The following TMEM150C variants were observed in gnomAD, a reference collection of about 807,000 sequenced individuals.
TMEM150C encodes transmembrane protein 150C, also known as tentonin 3.
TMEM150C carries 10 observed loss-of-function variants against 29.9 expected under a neutral mutation model. That is an observed-to-expected ratio of 0.33 (90% CI 0.21 to 0.57). TMEM150C has a LOEUF of 0.57. Among genes scored for constraint, TMEM150C ranks in the 20% least tolerant of loss-of-function variants. The pLI, the probability that TMEM150C is intolerant of heterozygous loss-of-function variation, is 0.88. For missense variants in TMEM150C, 251 were observed against 303.6 expected (o/e 0.83, Z 1.29); for synonymous variants, 101 against 112.5 (o/e 0.90, Z 0.64).
chr4:82,503,549 T>C (rs1462657781), intron 2 of TMEM150C, among the ~76,000 whole-genome samples: 1 of 152,184 alleles, frequency 6.6e-6, no homozygotes, highest in Non-Finnish European at 1.5e-5. Flanking sequence ...TGTAATGATA[T>C]TCATTTTATA....
intron 1 of TMEM150C, among the ~76,000 whole-genome samples, chr4:82,548,394 A>G (rs1725454650): frequency 1.3e-5 from 2 of 152,220 alleles, no homozygotes; most frequent in African/African-American, 4.8e-5. Flanking sequence ...ATTTTCAATA[A>G]CATCTCATTT....
chr4:82,518,782 C>G (rs1223997877), intron 1 of TMEM150C, among the ~76,000 whole-genome samples: 2 of 152,166 alleles, frequency 1.3e-5, no homozygotes, highest in African/African-American at 4.8e-5. Context: ...GGATTGGAAC[C>G]TGACTAATTC....
chr4:82,495,159 T>C (rs1723502498), intron 6 of TMEM150C: 5 of 441,588 alleles, frequency 1.1e-5, no homozygotes, highest in Non-Finnish European at 2.0e-5. Flanking sequence ...ACTGAAAAGT[T>C]TGACCAGGCG....
chr4:82,561,135 G>A (rs971068598), intron 1 of TMEM150C, among the ~76,000 whole-genome samples: 5 of 152,166 alleles, frequency 3.3e-5, no homozygotes, highest in Non-Finnish European at 7.3e-5. Flanking sequence ...ATTTAAAATG[G>A]GAAAACCCTC....
In TMEM150C at chr4:82,559,396, A is replaced by C. The variant is rs530719666; in HGVS notation, c.-11+2510T>G. ...CCCGTCTCTACTAAAAATACAAAAA[A>C]AAAAAAAAATTAGCCAGGCATGCTG... On this transcript the variant is annotated intron_variant, in intron 1 of 7. Transcript: ENST00000449862. 2.6e-5 allele frequency among the ~76,000 whole-genome samples: 4 copies of C among 152,004 alleles called. No homozygotes were observed. The South Asian group carries it at 8.3e-4, about 32-fold the overall frequency.
At chr4:82,561,754 G>A (rs1395429503) in intron 1 of TMEM150C, among the ~76,000 whole-genome samples, 152 bp downstream of exon 1, 1 of 147,146 alleles carries the variant, frequency 6.8e-6, no homozygotes, top group Non-Finnish European at 1.5e-5. Flanking sequence ...CCGCAGCCGA[G>A]CAGGGCCCCG....
chr4:82,495,064 TG>T, intron 6 of TMEM150C: 1 of 1,205,630 alleles, frequency 8.3e-7, no homozygotes, highest in Non-Finnish European at 1.1e-6. Context: ...TGCTGAATCT[TG>T]GGTGCTTTGG....
At chr4:82,550,387 C>G (rs1725531424) in intron 1 of TMEM150C, among the ~76,000 whole-genome samples, 1 of 152,072 alleles carries the variant, frequency 6.6e-6, no homozygotes, top group Non-Finnish European at 1.5e-5. Flanking sequence ...TTGGGCCGTT[C>G]TTTATAGCAC....
intron 1 of TMEM150C, among the ~76,000 whole-genome samples, chr4:82,540,022 T>C (rs370106358): frequency 6.6e-6 from 1 of 151,690 alleles, no homozygotes; most frequent in Middle Eastern, 3.4e-3. Context: ...CTAATGTTCA[T>C]CTGGAAGAAG....
At chr4:82,514,924 T>C (rs1724244191) in intron 1 of TMEM150C, among the ~76,000 whole-genome samples, 1 of 152,238 alleles carries the variant, frequency 6.6e-6, no homozygotes, top group Non-Finnish European at 1.5e-5. Flanking sequence ...AGCCACATTA[T>C]TGTTGCCTTA....
intron 1 of TMEM150C, among the ~76,000 whole-genome samples, chr4:82,507,958 A>G (rs1261437316): frequency 6.6e-6 from 1 of 151,602 alleles, no homozygotes; most frequent in Non-Finnish European, 1.5e-5. Context: ...ACGTTGCCCA[A>G]GCTAGTCTAG....
intron 1 of TMEM150C, among the ~76,000 whole-genome samples, chr4:82,512,830 C>T (rs565840542): frequency 1.3e-5 from 2 of 152,204 alleles, no homozygotes; most frequent in East Asian, 3.9e-4. Context: ...GTTTAAAAAG[C>T]CACTTCAAAA....
At chr4:82,501,691 G>GTGTTGCA (rs1723742112) in intron 5 of TMEM150C, among the ~76,000 whole-genome samples, 1 of 152,180 alleles carries the variant, frequency 6.6e-6, no homozygotes, top group Non-Finnish European at 1.5e-5. Flanking sequence ...GTTTCTGCCT[G>GTGTTGCA]TGTTGCATGT....
chr4:82,538,719 ATATAT>A (rs1725096001), intron 1 of TMEM150C, among the ~76,000 whole-genome samples: 1 of 152,164 alleles, frequency 6.6e-6, no homozygotes, highest in South Asian at 2.1e-4. Flanking sequence ...TCAACATGTA[ATATAT>A]TAATGAGTCA....
At chr4:82,504,752 C>G in intron 1 of TMEM150C, 85 bp from the exon 2 acceptor site, 1 of 1,170,924 alleles carries the variant, frequency 8.5e-7, no homozygotes, top group Non-Finnish European at 1.2e-6. Context: ...CTAACTGGGC[C>G]AAGCACGGTG....
At chr4:82,555,754 A>G (rs1164738907) in intron 1 of TMEM150C, among the ~76,000 whole-genome samples, 1 of 152,222 alleles carries the variant, frequency 6.6e-6, no homozygotes, top group African/African-American at 2.4e-5. Flanking sequence ...ACTTACTGGG[A>G]TGTAGGTACT....
intron 1 of TMEM150C, among the ~76,000 whole-genome samples, chr4:82,528,597 C>T (rs994861390): frequency 6.6e-6 from 1 of 150,870 alleles, no homozygotes; most frequent in Non-Finnish European, 1.5e-5. Context: ...AGTTACTTTT[C>T]CTCGTCCCTT....
chr4:82,551,492 G>C (rs1725575958), intron 1 of TMEM150C, among the ~76,000 whole-genome samples: 1 of 152,208 alleles, frequency 6.6e-6, no homozygotes. Flanking sequence ...CATGAGGTTT[G>C]CTAAAATAGC....
At chr4:82,546,400 C>A (rs892491866) in intron 1 of TMEM150C, among the ~76,000 whole-genome samples, 2 of 152,110 alleles carry the variant, frequency 1.3e-5, no homozygotes, top group Non-Finnish European at 2.9e-5. Context: ...ACTAGTGGAA[C>A]AGAATAAACA....
Sources: allele counts gnomAD v4.1 joint callset (sites outside exome capture counted in the v4.1 genomes callset), GRCh38; gene constraint gnomAD v4.1.1; transcripts MANE v1.5; gene names NCBI Gene and HGNC (gene_info 2026-07-23, HGNC 2026-07-21).